Variants in IQCM observed in about 807,000 individuals in gnomAD.
IQCM encodes the protein IQ motif containing M.
IQCM carries 45 observed loss-of-function variants against 57.6 expected under a neutral mutation model. That is an observed-to-expected ratio of 0.78 (90% confidence interval 0.62 to 1.00). The LOEUF is 1.00. IQCM is among the 50% of genes least tolerant of loss of function. The probability of loss-of-function intolerance (pLI) is 0.00; values close to 1 mark genes in which losing one functional copy is unlikely to be tolerated. For missense variants in IQCM, 468 were observed against 511.6 expected (o/e 0.91, Z 0.82); for synonymous variants, 148 against 158.9 (o/e 0.93, Z 0.51).
At chr4:149,802,734 A>C (rs1773716103) in intron 2 of IQCM, among the ~76,000 whole-genome samples, 1 of 152,054 alleles carries the variant, frequency 6.6e-6, no homozygotes, top group Admixed American at 6.6e-5. Context: ...TCTAAAATAC[A>C]TAACATTTTC....
chr4:149,421,945 A>G (rs1359950460), intron 13 of IQCM, among the ~76,000 whole-genome samples: 1 of 152,104 alleles, frequency 6.6e-6, no homozygotes. Context: ...TGAGATTTAC[A>G]TAATGACATA....
At chr4:149,598,979 C>T (rs1374366292) in intron 8 of IQCM, among the ~76,000 whole-genome samples, 1 of 151,962 alleles carries the variant, frequency 6.6e-6, no homozygotes, top group African/African-American at 2.4e-5. Flanking sequence ...CTGACCTTGC[C>T]CATCTGCCCC....
intron 5 of IQCM, among the ~76,000 whole-genome samples, chr4:149,709,801 G>T (rs539010197): frequency 6.6e-6 from 1 of 152,166 alleles, no homozygotes; most frequent in East Asian, 1.9e-4. Flanking sequence ...GCAAAGTCTT[G>T]TTACTCATCC....
intron 2 of IQCM, among the ~76,000 whole-genome samples, chr4:149,785,833 A>G (rs1159484118): frequency 6.6e-6 from 1 of 151,470 alleles, no homozygotes; most frequent in Non-Finnish European, 1.5e-5. Context: ...AAAAAAAAAA[A>G]ATCTTAGCCC....
chr4:149,770,709 T>C (rs1314489585), intron 2 of IQCM, among the ~76,000 whole-genome samples: 3 of 152,032 alleles, frequency 2.0e-5, no homozygotes, highest in African/African-American at 2.4e-5. Flanking sequence ...AAAAACAAGT[T>C]TGACAAAATT....
chr4:149,397,762 T>G (rs1444764041), intron 13 of IQCM, among the ~76,000 whole-genome samples: 12 of 151,720 alleles, frequency 7.9e-5, no homozygotes, highest in Admixed American at 7.2e-4. Flanking sequence ...TTATTAGGGG[T>G]TTTTTTTCTT....
At chr4:149,624,178 A>T (rs1756600116) in intron 7 of IQCM, among the ~76,000 whole-genome samples, 2 of 148,710 alleles carry the variant, frequency 1.3e-5, no homozygotes, top group Admixed American at 1.3e-4. Context: ...GTGCGCGCGC[A>T]TGCATGTGCT....
chr4:149,491,073 G>A (rs1472289227), intron 12 of IQCM, among the ~76,000 whole-genome samples: 1 of 152,070 alleles, frequency 6.6e-6, no homozygotes, highest in African/African-American at 2.4e-5. Flanking sequence ...TTGTGGAACT[G>A]TGGATAAAAC....
At chr4:149,610,790 C>A (rs746497483) in intron 8 of IQCM, among the ~76,000 whole-genome samples, 3 of 152,000 alleles carry the variant, frequency 2.0e-5, no homozygotes, top group Non-Finnish European at 4.4e-5. Context: ...TGGGTAAACA[C>A]TCTAGGATGT....
intron 12 of IQCM, among the ~76,000 whole-genome samples, chr4:149,516,638 G>A (rs1449261635): frequency 6.6e-6 from 1 of 152,128 alleles, no homozygotes; most frequent in Non-Finnish European, 1.5e-5. Flanking sequence ...CCATAGCCAG[G>A]ATTCATGGGG....
intron 13 of IQCM, among the ~76,000 whole-genome samples, chr4:149,410,560 T>C (rs1157576628): frequency 6.6e-6 from 1 of 151,586 alleles, no homozygotes; most frequent in Non-Finnish European, 1.5e-5. Flanking sequence ...CACTGGCTTG[T>C]CATGAAAAAT....
Position 149,672,347 on chromosome 4 carries a change from C to T in IQCM, c.565+9771G>A, listed in dbSNP as rs559140952. Among the ~76,000 whole-genome samples, 46 of 152,150 alleles carry T rather than the reference C, an allele frequency of 3.0e-4. 1 individual carries two copies. The highest frequency in any genetic ancestry group is 6.8e-3 in the Middle Eastern group (2 of 294). On this transcript the variant is annotated intron_variant, in intron 7 of 13. Coordinates refer to ENST00000636793, the MANE Select transcript of IQCM (RefSeq NM_001363507.2). ...CTTCTCCAAGCTAAAGGAGGATGTT[C>T]GAACCCATTGCAAAGAAGCTAAAAA...
intron 9 of IQCM, among the ~76,000 whole-genome samples, chr4:149,576,195 T>C (rs1418382069): frequency 6.6e-6 from 1 of 151,772 alleles, no homozygotes; most frequent in Non-Finnish European, 1.5e-5. Context: ...GGATTTTTTA[T>C]GGGTATATGG....
At chr4:149,421,154 A>G (rs1338163146) in intron 13 of IQCM, among the ~76,000 whole-genome samples, 2 of 152,124 alleles carry the variant, frequency 1.3e-5, no homozygotes, top group Non-Finnish European at 2.9e-5. Flanking sequence ...CAGTTGCTCC[A>G]TGATTCTTTT....
rs1244584596 is a variant in IQCM at position 149,660,402 on chromosome 4, A to G, written c.565+21716T>C. Among the ~76,000 whole-genome samples the G allele has an allele frequency of 2.0e-5, 3 of 152,088 alleles. No homozygotes were observed. The East Asian group carries it at 5.8e-4, about 29-fold the overall frequency. Reference sequence around the variant, plus strand: ...GTTGGTGGGACTGTAAACTAGTTCTACCATTGTGGAAGTCAGTGTGGCGAT... The same window carrying G: ...GTTGGTGGGACTGTAAACTAGTTCTGCCATTGTGGAAGTCAGTGTGGCGAT... On this transcript the variant is annotated intron_variant, in intron 7 of 13. Coordinates refer to ENST00000636793, the MANE Select transcript of IQCM (RefSeq NM_001363507.2).
intron 5 of IQCM, among the ~76,000 whole-genome samples, chr4:149,690,063 A>G (rs1762835806): frequency 6.6e-6 from 1 of 152,190 alleles, no homozygotes; most frequent in African/African-American, 2.4e-5. Flanking sequence ...ACTACTGGGT[A>G]TCTACCCAAA....
At chr4:149,498,173 T>C (rs1023225199) in intron 12 of IQCM, among the ~76,000 whole-genome samples, 7 of 152,080 alleles carry the variant, frequency 4.6e-5, no homozygotes, top group African/African-American at 1.7e-4. Context: ...AAACCACTTG[T>C]TTTTCCCCTC....
chr4:149,699,695 CAAAAAAAAAA>C (rs34250922), intron 5 of IQCM, among the ~76,000 whole-genome samples: 112 of 25,936 alleles, frequency 4.3e-3, no homozygotes, highest in Non-Finnish European at 2.5e-3. Context: ...GTTTGAGTGG[CAAAAAAAAAA>C]AAAAAAAAAA....
At chr4:149,750,793 GACA>G (rs1194355694) in intron 2 of IQCM, among the ~76,000 whole-genome samples, 1 of 152,138 alleles carries the variant, frequency 6.6e-6, no homozygotes, top group Admixed American at 6.5e-5. Context: ...AACAGTTAAA[GACA>G]ACAATGAAAA....
Sources: allele counts gnomAD v4.1 joint callset (sites outside exome capture counted in the v4.1 genomes callset), GRCh38; gene constraint gnomAD v4.1.1; transcripts MANE v1.5; gene names NCBI Gene and HGNC (gene_info 2026-07-23, HGNC 2026-07-21).